Variants in SAMD5 observed in about 807,000 individuals in gnomAD.
SAMD5 encodes sterile alpha motif domain-containing protein 5.
In SAMD5, 13 loss-of-function variants were observed where a neutral mutation model predicts 11.3. The observed-to-expected ratio is 1.15, with a 90% CI of 0.75 to 1.83. SAMD5 has a LOEUF of 1.83. SAMD5 is among the 40% of genes most tolerant of loss of function. The pLI, the probability that SAMD5 is intolerant of heterozygous loss-of-function variation, is 0.00. For synonymous variants in SAMD5, 129 were observed against 111.3 expected, an observed-to-expected ratio of 1.16 and a Z score of -1.00; for missense variants, 255 against 239.1, an observed-to-expected ratio of 1.07 and a Z score of -0.44.
At chr6:147,923,606 C>A in the SAMD5 span, among the ~76,000 whole-genome samples, 1 of 152,138 alleles carries the variant, frequency 6.6e-6, no homozygotes, top group South Asian at 2.1e-4. Flanking sequence ...GGTGAGAAAA[C>A]TGGTTGAGGG....
chr6:147,849,359 A>AT, the SAMD5 span, among the ~76,000 whole-genome samples: 2 of 151,614 alleles, frequency 1.3e-5, no homozygotes, highest in Non-Finnish European at 2.9e-5. Flanking sequence ...TGCTTTAAAA[A>AT]TTTTTTTTTA....
the SAMD5 span, among the ~76,000 whole-genome samples, chr6:147,932,434 C>G: frequency 6.6e-6 from 1 of 152,138 alleles, no homozygotes; most frequent in Non-Finnish European, 1.5e-5. Flanking sequence ...GTTACGTCAT[C>G]AGCAGTCATC....
intron 1 of SAMD5, among the ~76,000 whole-genome samples, chr6:147,596,311 C>T (rs908295783): frequency 6.6e-6 from 1 of 152,088 alleles, no homozygotes; most frequent in African/African-American, 2.4e-5. Context: ...TGCTTCAGTG[C>T]CTTCGATACT....
chr6:147,508,852 A>G lies in SAMD5; in HGVS notation c.-77A>G. 3.3e-6 allele frequency: 5 copies of G among 1,535,712 alleles called. No homozygotes were observed. The highest frequency in any genetic ancestry group is 3.5e-6 in the Non-Finnish European group (4 of 1,146,078). ...CTTTTCCCCTTGGAGGAGAGGATTAAAAGTTCCAAGAACTGGTGCCGCCCG... is the reference window on the plus strand; with the variant it reads ...CTTTTCCCCTTGGAGGAGAGGATTAGAAGTTCCAAGAACTGGTGCCGCCCG... On this transcript the variant is annotated 5_prime_UTR_variant, in exon 1 of 2. Transcript: ENST00000367474.
the SAMD5 span, among the ~76,000 whole-genome samples, chr6:147,854,557 C>T: frequency 6.6e-6 from 1 of 152,132 alleles, no homozygotes; most frequent in Non-Finnish European, 1.5e-5. Flanking sequence ...CTCTATTGTA[C>T]CTTGGATCAC....
chr6:147,909,748 G>T, the SAMD5 span, among the ~76,000 whole-genome samples: 1 of 151,896 alleles, frequency 6.6e-6, no homozygotes, highest in African/African-American at 2.4e-5. Flanking sequence ...ACACTGCAGT[G>T]GTAAGGTTGA....
At chr6:147,798,046 G>GT in the SAMD5 span, among the ~76,000 whole-genome samples, 16 of 150,054 alleles carry the variant, frequency 1.1e-4, no homozygotes, top group African/African-American at 3.7e-4. Flanking sequence ...TTTTCGAAGG[G>GT]TTTTTTTTGT....
At chr6:147,651,077 A>G (rs1363700117) in intron 1 of SAMD5, among the ~76,000 whole-genome samples, 2 of 152,230 alleles carry the variant, frequency 1.3e-5, no homozygotes, top group African/African-American at 4.8e-5. Context: ...ATATTCATGA[A>G]AGAAACATTT....
At chr6:147,657,041 A>T (rs1477408897) in intron 1 of SAMD5, among the ~76,000 whole-genome samples, 1 of 152,138 alleles carries the variant, frequency 6.6e-6, no homozygotes, top group African/African-American at 2.4e-5. Flanking sequence ...CATAGTATTT[A>T]TACGCACTGT....
intron 1 of SAMD5, among the ~76,000 whole-genome samples, chr6:147,635,588 C>A (rs1352307284): frequency 6.6e-6 from 1 of 152,074 alleles, no homozygotes; most frequent in Non-Finnish European, 1.5e-5. Flanking sequence ...ATATGGATAC[C>A]CCTTCCACTC....
At chr6:147,576,633 AG>A (rs974377779) in intron 1 of SAMD5, among the ~76,000 whole-genome samples, 19 of 152,338 alleles carry the variant, frequency 1.2e-4, no homozygotes, top group African/African-American at 4.6e-4. Context: ...GTTATGTACA[AG>A]TTTCATTCAA....
the SAMD5 span, among the ~76,000 whole-genome samples, chr6:147,916,124 T>A: frequency 6.6e-6 from 1 of 152,094 alleles, no homozygotes; most frequent in African/African-American, 2.4e-5. Flanking sequence ...GGTGTATAGG[T>A]GCCACATTTT....
the SAMD5 span, among the ~76,000 whole-genome samples, chr6:147,856,995 G>A: frequency 1.3e-5 from 2 of 151,784 alleles, no homozygotes; most frequent in Non-Finnish European, 2.9e-5. Flanking sequence ...GTGAAGAGAA[G>A]TAGCACAAAG....
At chr6:147,657,543 G>A (rs1257726400) in intron 1 of SAMD5, among the ~76,000 whole-genome samples, 2 of 152,200 alleles carry the variant, frequency 1.3e-5, no homozygotes, top group African/African-American at 4.8e-5. Flanking sequence ...TTGAAACTAG[G>A]TGAAGCTGGT....
At chr6:147,555,889 G>A (rs1788847572) in intron 1 of SAMD5, among the ~76,000 whole-genome samples, 1 of 152,060 alleles carries the variant, frequency 6.6e-6, no homozygotes, top group South Asian at 2.1e-4. Flanking sequence ...CTTTTTCAAT[G>A]ATACTTCTCT....
At chr6:147,710,679 A>G (rs1025324441) in intron 1 of SAMD5, among the ~76,000 whole-genome samples, 2 of 152,172 alleles carry the variant, frequency 1.3e-5, no homozygotes, top group African/African-American at 2.4e-5. Context: ...GTTCTATTTT[A>G]TCATTGTTAA....
At chr6:147,584,425 C>T (rs1423150720) in intron 1 of SAMD5, among the ~76,000 whole-genome samples, 1 of 152,188 alleles carries the variant, frequency 6.6e-6, no homozygotes, top group Non-Finnish European at 1.5e-5. Flanking sequence ...TTCTTATCCT[C>T]ATGCCAAAGA....
chr6:147,801,090 A>T, the SAMD5 span, among the ~76,000 whole-genome samples: 70 of 152,316 alleles, frequency 4.6e-4, 1 homozygote, highest in African/African-American at 1.6e-3. Context: ...TGCTCTCCAC[A>T]TACGGTGCTC....
In SAMD5 at chr6:147,569,068, A is replaced by G. The variant is rs1367643017; in HGVS notation, c.*4612A>G. The G allele has an allele frequency of 1.1e-5, 2 of 184,700 alleles. No individual in the cohort carries two copies. The allele number at this position is 184,700 out of a possible 1,614,324, so 11.4% of individuals were successfully genotyped here. Reference sequence around the variant, plus strand: ...ATGGTGAAACCCTGTGTCTACTAAAAATACAAAAAAAATTAGCTGAGTGTG... The same window carrying G: ...ATGGTGAAACCCTGTGTCTACTAAAGATACAAAAAAAATTAGCTGAGTGTG... On this transcript the variant is annotated 3_prime_UTR_variant, in exon 2 of 2. Transcript: ENST00000367474.
Sources: allele counts gnomAD v4.1 joint callset (sites outside exome capture counted in the v4.1 genomes callset), GRCh38; gene constraint gnomAD v4.1.1; transcripts MANE v1.5; gene names NCBI Gene and HGNC (gene_info 2026-07-23, HGNC 2026-07-21).